The following LRRC36 variants were observed in gnomAD, a reference collection of about 807,000 sequenced individuals.
LRRC36 encodes leucine-rich repeat-containing protein 36.
LRRC36 carries 62 observed loss-of-function variants against 81.1 expected under a neutral mutation model. The ratio of observed to expected loss-of-function variants is 0.76; its 90% CI spans 0.62 to 0.94. The LOEUF (loss-of-function observed/expected upper bound fraction) is 0.94, where lower values mean the gene tolerates loss of function less well. Among genes scored for constraint, LRRC36 ranks in the 40% least tolerant of loss-of-function variants. The probability of loss-of-function intolerance (pLI) is 0.00; values close to 1 mark genes in which losing one functional copy is unlikely to be tolerated. For synonymous variants in LRRC36, 334 were observed against 348.6 expected (o/e 0.96, Z 0.47); for missense variants, 761 against 881.7 (o/e 0.86, Z 1.73).
chr16:67,376,172 G>T (rs141354606), intron 10 of LRRC36, among the ~76,000 whole-genome samples: 2 of 152,250 alleles, frequency 1.3e-5, no homozygotes, highest in East Asian at 3.9e-4. Context: ...GCCAGGCGTA[G>T]TGGTGTGCGC....
At chr16:67,369,728 C>T (rs536164629) in intron 8 of LRRC36, among the ~76,000 whole-genome samples, 1 of 152,226 alleles carries the variant, frequency 6.6e-6, no homozygotes, top group African/African-American at 2.4e-5. Context: ...TGGTGGCAGG[C>T]AAGAGAGCTT....
chr16:67,352,176 G>A (rs924913209), intron 5 of LRRC36, among the ~76,000 whole-genome samples: 2 of 152,160 alleles, frequency 1.3e-5, no homozygotes, highest in South Asian at 2.1e-4. Flanking sequence ...GTTCTTAGAA[G>A]CCCCAGCTGT....
In LRRC36 at chr16:67,358,870, C is replaced by T. The variant is rs984539814; in HGVS notation, c.578-4720C>T. Among the ~76,000 whole-genome samples, 3 of 152,058 alleles carry T rather than the reference C, an allele frequency of 2.0e-5. No individual in the cohort carries two copies. In the East Asian group the frequency reaches 5.8e-4, roughly 29 times the overall value. ...TCACATCCACTAGGCCAAATAGAAT[C>T]TAAAGGACAGATAATAAGCAATGGC... On this transcript the variant is annotated intron_variant, in intron 5 of 13. Transcript: ENST00000329956.
At chr16:67,355,616 C>T (rs1218694787) in intron 5 of LRRC36, among the ~76,000 whole-genome samples, 4 of 151,866 alleles carry the variant, frequency 2.6e-5, no homozygotes, top group East Asian at 1.9e-4. Context: ...CCTCATGATC[C>T]GCCCGCCTCG....
chr16:67,358,594 C>T (rs1460158368), intron 5 of LRRC36, among the ~76,000 whole-genome samples: 3 of 151,596 alleles, frequency 2.0e-5, no homozygotes, highest in East Asian at 3.9e-4. Flanking sequence ...CTGAAGCGAC[C>T]CTCACACCTT....
chr16:67,355,421 CTGGAGTGCAG>C (rs2038853395), intron 5 of LRRC36, among the ~76,000 whole-genome samples: 1 of 122,236 alleles, frequency 8.2e-6, no homozygotes, highest in African/African-American at 3.1e-5. Flanking sequence ...GTCGCCCAGG[CTGGAGTGCAG>C]TGGCGGGATC....
intron 5 of LRRC36, among the ~76,000 whole-genome samples, chr16:67,363,034 C>T (rs1326894039): frequency 6.6e-6 from 1 of 152,158 alleles, no homozygotes; most frequent in African/African-American, 2.4e-5. Flanking sequence ...CTGCCCACCT[C>T]AGCCTCCCAA....
chr16:67,364,910 A>C (rs2039313974), intron 6 of LRRC36, among the ~76,000 whole-genome samples: 1 of 152,156 alleles, frequency 6.6e-6, no homozygotes. Context: ...GTTATGCCTC[A>C]GATTAATTTT....
Position 67,385,070 on chromosome 16 carries a change from C to T in LRRC36, c.2246C>T (p.Ala749Val), listed in dbSNP as rs2040247742. The change falls in exon 14 of 14, where the codon GCC becomes GTC. Residue 749 changes from alanine (A) to valine (V), a missense_variant. This residue lies in a region of LRRC36 where 359 missense variants were observed against 388.4 expected (regional missense o/e 0.92). Coordinates refer to ENST00000329956, the MANE Select transcript of LRRC36 (RefSeq NM_018296.6). ...QYLIQSVLDAAPEPGL is the reference protein window; with the variant it reads ...QYLIQSVLDAVPEPGL ...CTAATACAGAGCGTCTTGGATGCTG[C>T]CCCAGAGCCTGGCTTATAGAGCTAG... is the stretch of plus-strand genomic sequence containing the variant. 1 of 1,613,594 alleles carries T rather than the reference C, an allele frequency of 6.2e-7. No individual in the cohort carries two copies. The highest frequency in any genetic ancestry group is 1.1e-5 in the South Asian group (1 of 91,068).
chr16:67,354,141 A>C (rs1367264372), intron 5 of LRRC36, among the ~76,000 whole-genome samples: 2 of 150,500 alleles, frequency 1.3e-5, no homozygotes, highest in African/African-American at 4.9e-5. Flanking sequence ...CAATCAAACC[A>C]CTCCTTCCTC....
chr16:67,372,568 T>TA lies in LRRC36; in HGVS notation c.1494+1327dup, dbSNP rs1242958324. Reference sequence around the variant, plus strand: ...CATGAGGAAGATCCATCCATGTGGTTAGAGGAACCCCAGCTCTTAGAGTCT... The same window carrying TA: ...CATGAGGAAGATCCATCCATGTGGTTAAGAGGAACCCCAGCTCTTAGAGTCT... On this transcript the variant is annotated intron_variant, in intron 9 of 13. Transcript: ENST00000329956. Among the ~76,000 whole-genome samples the TA allele has an allele frequency of 5.9e-5, 9 of 152,292 alleles. No homozygotes were observed. In the East Asian group the frequency reaches 1.5e-3, roughly 26 times the overall value.
chr16:67,332,479 G>A (rs2037543184), intron 1 of LRRC36, among the ~76,000 whole-genome samples: 1 of 152,066 alleles, frequency 6.6e-6, no homozygotes, highest in African/African-American at 2.4e-5. Context: ...GCGTGAACCT[G>A]GGAGGCAGAG....
chr16:67,332,876 T>C (rs934163143), intron 1 of LRRC36, among the ~76,000 whole-genome samples: 5 of 151,514 alleles, frequency 3.3e-5, no homozygotes, highest in Non-Finnish European at 7.4e-5. Flanking sequence ...ATTTTATTTA[T>C]TTATTTATTT....
At chr16:67,348,310 A>G (rs1017805835) in intron 4 of LRRC36, among the ~76,000 whole-genome samples, 1 of 152,198 alleles carries the variant, frequency 6.6e-6, no homozygotes, top group Non-Finnish European at 1.5e-5. Context: ...AGACACATAT[A>G]GATAATATCA....
At chr16:67,366,169 T>C (rs959090395) in intron 7 of LRRC36, among the ~76,000 whole-genome samples, 7 of 152,220 alleles carry the variant, frequency 4.6e-5, no homozygotes, top group African/African-American at 1.7e-4. Flanking sequence ...TTTTTTATTT[T>C]TGAGACAAGT....
chr16:67,374,969 A>G (rs1292236431), intron 9 of LRRC36, among the ~76,000 whole-genome samples: 1 of 151,746 alleles, frequency 6.6e-6, no homozygotes, highest in African/African-American at 2.4e-5. Context: ...ATCTCTACTA[A>G]AAATACAAAA....
intron 1 of LRRC36, among the ~76,000 whole-genome samples, chr16:67,339,971 C>T (rs1320558914): frequency 1.3e-5 from 2 of 151,868 alleles, no homozygotes; most frequent in Non-Finnish European, 2.9e-5. Context: ...GGTGAAACCC[C>T]GTCTCTACTG....
At chr16:67,373,197 AT>A (rs1489359025) in intron 9 of LRRC36, among the ~76,000 whole-genome samples, 4 of 152,188 alleles carry the variant, frequency 2.6e-5, no homozygotes, top group Non-Finnish European at 4.4e-5. Flanking sequence ...ACAAAAAAAA[AT>A]AAATAAACAA....
rs140418859 is a variant in LRRC36, at chr16:67,367,056, C to T, written c.794C>T (p.Ser265Phe). Residue 265 changes from serine to phenylalanine, a missense_variant, in exon 8 of 14, where the codon TCC (serine) becomes TTC (phenylalanine). Physicochemically the swap from Ser to Phe is radical, Grantham distance 155 (BLOSUM62 -2). Transcript: ENST00000329956. ...TCGCCTCGTCAGTCCACAGTCCGAT[C>T]CCCAGAGAAGATGACTAGAGAAGGG... is the stretch of plus-strand genomic sequence containing the variant. The part of the protein sequence containing the change: ...HYSPRQSTVR[S>F]PEKMTREGYQ... The T allele has an allele frequency of 2.7e-5, 44 of 1,613,650 alleles. No individual in the cohort carries two copies. Among genetic ancestry groups the T allele is most frequent in the Non-Finnish European group, 3.6e-5 (43 of 1,179,862 alleles).
Sources: allele counts gnomAD v4.1 joint callset (sites outside exome capture counted in the v4.1 genomes callset), GRCh38; gene constraint gnomAD v4.1.1; regional missense constraint gnomAD v4.1.1; transcripts MANE v1.5; gene names NCBI Gene and HGNC (gene_info 2026-07-23, HGNC 2026-07-21).